Variants in PTCH1 observed in about 807,000 individuals in gnomAD.
PTCH1 encodes protein patched homolog 1.
Under a neutral mutation model 144.6 loss-of-function variants are expected in PTCH1, and 14 were observed. The observed-to-expected ratio is 0.10, with a 90% CI of 0.06 to 0.15. The LOEUF (loss-of-function observed/expected upper bound fraction) is 0.15. PTCH1 is among the 10% of genes least tolerant of loss of function. PTCH1 has a pLI of 1.00. For synonymous variants in PTCH1, 833 were observed against 793.6 expected (o/e 1.05, Z -0.83); for missense variants, 1,623 against 1,948.3 (o/e 0.83, Z 3.14).
chr9:95,504,754 C>G (rs1438496047), intron 2 of PTCH1, among the ~76,000 whole-genome samples: 1 of 152,184 alleles, frequency 6.6e-6, no homozygotes, highest in East Asian at 1.9e-4. Context: ...GTTCTCTCCC[C>G]CCACCCCCTA....
In PTCH1 at chr9:95,459,147, G is replaced by A. The variant is rs1442733278; in HGVS notation, c.2887+453C>T. 2.6e-5 allele frequency among the ~76,000 whole-genome samples: 4 copies of A among 152,282 alleles called. No homozygotes were observed. The East Asian group carries it at 5.8e-4, about 22-fold the overall frequency. On this transcript the variant is annotated intron_variant, in intron 17 of 23. Transcript: ENST00000331920. Reference sequence around the variant, plus strand: ...TGTTGTATACAGACTTTTCTGCTCCGGTTTAAACAGCTTTGACACAGTGCA... The same window carrying A: ...TGTTGTATACAGACTTTTCTGCTCCAGTTTAAACAGCTTTGACACAGTGCA...
intron 5 of PTCH1, 54 bp from the exon 6 acceptor site, chr9:95,480,642 T>C: frequency 6.4e-7 from 1 of 1,558,394 alleles, no homozygotes; most frequent in Non-Finnish European, 8.8e-7. Flanking sequence ...AAACGCATCG[T>C]AAAGTAACAC....
In PTCH1 at chr9:95,508,415, G is replaced by T; in HGVS notation, c.-54C>A. The T allele has an allele frequency of 9.4e-7, 1 of 1,061,744 alleles. No individual in the cohort carries two copies. The highest frequency in any genetic ancestry group is 1.1e-6 in the Non-Finnish European group (1 of 881,470). 65.8% of individuals were successfully genotyped at this position (1,061,744 alleles called of 1,614,324 possible). On this transcript the variant is annotated 5_prime_UTR_variant, in exon 1 of 24. Transcript: ENST00000331920. ...GGACGGAGGCTTCCCGGGCGGCCCG[G>T]CGCGCTGCTGCCGCTGCTGCGGGCT...
exon 1 of PTCH1, chr9:95,516,603 T>G: frequency 6.3e-7 from 1 of 1,599,034 alleles, no homozygotes; most frequent in Non-Finnish European, 8.5e-7. Flanking sequence ...TCTCCCAGTC[T>G]TCCCTCGTCT....
At chr9:95,487,916 G>A (rs1353291087) in intron 2 of PTCH1, among the ~76,000 whole-genome samples, 2 of 152,178 alleles carry the variant, frequency 1.3e-5, no homozygotes, top group Non-Finnish European at 2.9e-5. Flanking sequence ...CCGTTATAGT[G>A]AGGAGCAGTC....
Position 95,506,461 on chromosome 9 carries a change from C to T in PTCH1, c.340G>A (p.Val114Met), listed in dbSNP as rs1843653470. Residue 114 changes from valine to methionine, a missense_variant, in exon 2 of 24, where the codon GTG (valine) becomes ATG (methionine). Val to Met is a conservative substitution (Grantham distance 21, BLOSUM62 1). Transcript: ENST00000331920. ...TCGAGGTTCGCTGCTTTTAATCCCA[C>T]CGCGAAGGCCCCAAATATGAGGAGG... ...VGLLIFGAFA[V>M]GLKAANLETN... The T allele has an allele frequency of 2.5e-6, 4 of 1,613,310 alleles. No individual in the cohort carries two copies. The highest frequency in any genetic ancestry group is 1.7e-5 in the Admixed American group (1 of 59,938).
chr9:95,446,183 C>T lies in PTCH1; in HGVS notation c.*210G>A. 2.9e-6 allele frequency: 1 copy of T among 348,632 alleles called. No homozygotes were observed. Among genetic ancestry groups the T allele is most frequent in the Non-Finnish European group, 5.7e-6 (1 of 176,858 alleles). 21.6% of individuals were successfully genotyped at this position (348,632 alleles called of 1,614,324 possible). A position where few individuals can be genotyped will look rare whatever the true frequency, so the allele number is the denominator to read the frequency against. On this transcript the variant is annotated 3_prime_UTR_variant, in exon 24 of 24. Coordinates refer to ENST00000331920, the MANE Select transcript of PTCH1 (RefSeq NM_000264.5). ...CCAGATCATACCACTTTACATCCTT[C>T]CTTCCTATATTACACATGTGTACAT...
At chr9:95,491,358 A>C (rs1411604691) in intron 2 of PTCH1, among the ~76,000 whole-genome samples, 5 of 152,210 alleles carry the variant, frequency 3.3e-5, no homozygotes, top group Non-Finnish European at 4.4e-5. Context: ...GCTGAGCCTC[A>C]GCCACCTTTC....
In PTCH1 at chr9:95,483,115, A is replaced by AC. The variant is rs1316434749; in HGVS notation, c.585-913_585-912insG. On this transcript the variant is annotated intron_variant, in intron 3 of 23. Transcript: ENST00000331920. Reference sequence around the variant, plus strand: ...TCTATCTCTACAAAAAAATGAAAAAAAAAATTGCCAGGCGTGGTGCCACAC... The same window carrying AC: ...TCTATCTCTACAAAAAAATGAAAAAACAAAATTGCCAGGCGTGGTGCCACAC... 5 of 151,902 alleles carry AC rather than the reference A, an allele frequency of 3.3e-5. 2 individuals are homozygous for AC. Among genetic ancestry groups the AC allele is most frequent in the Non-Finnish European group, 7.4e-5 (5 of 67,998 alleles). The allele number at this position is 151,902 out of a possible 1,614,324, so 9.4% of individuals were successfully genotyped here.
chr9:95,467,780 T>C (rs1840153444), intron 14 of PTCH1, among the ~76,000 whole-genome samples: 1 of 152,022 alleles, frequency 6.6e-6, no homozygotes, highest in South Asian at 2.1e-4. Context: ...TTTTTTTTTG[T>C]ATTTTTAGTA....
chr9:95,463,594 A>G (rs895360362), intron 15 of PTCH1, among the ~76,000 whole-genome samples: 1 of 152,158 alleles, frequency 6.6e-6, no homozygotes, highest in African/African-American at 2.4e-5. Flanking sequence ...AACAATTTTC[A>G]TGATGTCATG....
chr9:95,508,553 T>TGCCGCTGCGGCCGCGGCCGCTGCC lies in PTCH1; in HGVS notation c.-216_-193dup. ...CTGCTGCTCACACGGCGGGCGCTGC[T>TGCCGCTGCGGCCGCGGCCGCTGCC]GCCGCTGCGGCCGCGGCCGCTGCCG... On this transcript the variant is annotated 5_prime_UTR_variant, in exon 1 of 24. Coordinates refer to ENST00000331920, the MANE Select transcript of PTCH1 (RefSeq NM_000264.5). 1 of 1,006,574 alleles carries TGCCGCTGCGGCCGCGGCCGCTGCC rather than the reference T, an allele frequency of 9.9e-7. No homozygotes were observed. The highest frequency in any genetic ancestry group is 1.2e-6 in the Non-Finnish European group (1 of 843,846). 62.4% of individuals were successfully genotyped at this position (1,006,574 alleles called of 1,614,324 possible).
At chr9:95,460,703 C>G (rs1441736957) in intron 16 of PTCH1, among the ~76,000 whole-genome samples, 2 of 152,182 alleles carry the variant, frequency 1.3e-5, no homozygotes. Flanking sequence ...TGGAATCAAA[C>G]AGCGCAGCCC....
At chr9:95,497,308 T>A (rs1842860142) in intron 2 of PTCH1, among the ~76,000 whole-genome samples, 1 of 152,250 alleles carries the variant, frequency 6.6e-6, no homozygotes, top group African/African-American at 2.4e-5. Context: ...CGACACGTTA[T>A]ACCGGAGGGT....
intron 1 of PTCH1, chr9:95,507,947 G>T: frequency 1.4e-6 from 2 of 1,458,806 alleles, no homozygotes; most frequent in Admixed American, 4.2e-5. Flanking sequence ...CACCCCCTGC[G>T]GACCTCAGAC....
intron 18 of PTCH1, among the ~76,000 whole-genome samples, chr9:95,457,285 G>A (rs1490659217): frequency 2.6e-5 from 4 of 152,182 alleles, no homozygotes; most frequent in Non-Finnish European, 5.9e-5. Context: ...AATGATGAAA[G>A]ATGGACAACA....
At chr9:95,459,231 T>C (rs1016556071) in intron 17 of PTCH1, among the ~76,000 whole-genome samples, 2 of 152,030 alleles carry the variant, frequency 1.3e-5, no homozygotes, top group African/African-American at 2.4e-5. Flanking sequence ...AACACCAGAG[T>C]TGACAAAGTT....
At chr9:95,498,587 G>A (rs1587670295) in intron 2 of PTCH1, among the ~76,000 whole-genome samples, 1 of 152,168 alleles carries the variant, frequency 6.6e-6, no homozygotes, top group East Asian at 1.9e-4. Context: ...TTTCTCAATG[G>A]CAGTATTCTG....
upstream of PTCH1, among the ~76,000 whole-genome samples, chr9:95,512,726 A>C (rs1844215338): frequency 6.6e-6 from 1 of 152,222 alleles, no homozygotes; most frequent in African/African-American, 2.4e-5. Context: ...CAGATCTGAG[A>C]TGCAGACTGG....
Sources: gnomAD v4.1 joint callset for allele counts (sites outside exome capture counted in the v4.1 genomes callset) on GRCh38, gnomAD v4.1.1 for gene constraint, MANE v1.5 for transcripts, NCBI Gene and HGNC (gene_info 2026-07-23, HGNC 2026-07-21) for gene names.